Variants in PXDNL observed in about 807,000 individuals in gnomAD.
PXDNL encodes peroxidasin like, also known as probable oxidoreductase PXDNL.
PXDNL carries 145 observed loss-of-function variants against 150.8 expected under a neutral mutation model. That is an observed-to-expected ratio of 0.96 (90% CI 0.84 to 1.10). The LOEUF (loss-of-function observed/expected upper bound fraction) is 1.10. Among genes scored for constraint, PXDNL ranks in the 50% least tolerant of loss-of-function variants. PXDNL has a pLI of 0.00. For synonymous variants in PXDNL, 757 were observed against 725.7 expected, an observed-to-expected ratio of 1.04 and a Z score of -0.69; for missense variants, 2,087 against 1,873.9, an observed-to-expected ratio of 1.11 and a Z score of -2.10.
intron 1 of PXDNL, among the ~76,000 whole-genome samples, chr8:51,718,570 G>T (rs1426279989): frequency 6.6e-6 from 1 of 152,168 alleles, no homozygotes; most frequent in African/African-American, 2.4e-5. Context: ...TTCATACATT[G>T]CCCTAAAGGG....
intron 1 of PXDNL, among the ~76,000 whole-genome samples, chr8:51,748,629 T>TA (rs1009933165): frequency 6.6e-6 from 1 of 152,140 alleles, no homozygotes; most frequent in Non-Finnish European, 1.5e-5. Flanking sequence ...GGAGTTATTT[T>TA]AAAAAACTGT....
intron 1 of PXDNL, among the ~76,000 whole-genome samples, chr8:51,726,006 A>C (rs1816811916): frequency 6.6e-6 from 1 of 152,236 alleles, no homozygotes; most frequent in African/African-American, 2.4e-5. Context: ...TCAGTCTCTG[A>C]ACTTCAGCTT....
intron 4 of PXDNL, among the ~76,000 whole-genome samples, chr8:51,522,087 T>A (rs1184009415): frequency 6.6e-6 from 1 of 152,134 alleles, no homozygotes; most frequent in Non-Finnish European, 1.5e-5. Context: ...GAGAGAATAA[T>A]CTTTTATTTT....
chr8:51,654,817 A>T (rs1235826347), intron 1 of PXDNL, 57 bp from the exon 2 acceptor site: 6 of 1,354,794 alleles, frequency 4.4e-6, no homozygotes. Flanking sequence ...TTCTGCCATT[A>T]TTTCCAGAAG....
intron 12 of PXDNL, among the ~76,000 whole-genome samples, chr8:51,430,788 C>CA (rs1470767562): frequency 6.6e-6 from 1 of 152,158 alleles, no homozygotes; most frequent in Non-Finnish European, 1.5e-5. Context: ...TTATTTCATT[C>CA]AACAACTCTC....
chr8:51,788,057 AT>A (rs1453093129), intron 1 of PXDNL, among the ~76,000 whole-genome samples: 3 of 152,228 alleles, frequency 2.0e-5, no homozygotes, highest in Non-Finnish European at 4.4e-5. Context: ...AGCTGTGTTC[AT>A]TTTTTAGACA....
chr8:51,744,579 G>A (rs1437763288), intron 1 of PXDNL, among the ~76,000 whole-genome samples: 1 of 147,870 alleles, frequency 6.8e-6, no homozygotes, highest in African/African-American at 2.5e-5. Flanking sequence ...AGGAGGCTGA[G>A]GCAGGAGAAT....
intron 3 of PXDNL, among the ~76,000 whole-genome samples, chr8:51,590,371 T>G (rs1380354990): frequency 1.3e-5 from 2 of 151,982 alleles, no homozygotes; most frequent in East Asian, 3.9e-4. Flanking sequence ...GGATTGGGGC[T>G]GCCACTGAGA....
At chr8:51,621,675 C>T (rs772762460) in intron 2 of PXDNL, among the ~76,000 whole-genome samples, 3 of 152,032 alleles carry the variant, frequency 2.0e-5, no homozygotes, top group Non-Finnish European at 2.9e-5. Context: ...TGTGGTGGCT[C>T]ACACCTGTAA....
rs1276277900 is a variant in PXDNL at position 51,426,706 on chromosome 8, C to T, written c.1578G>A (p.Lys526=). 1.2e-6 allele frequency: 2 copies of T among 1,608,324 alleles called. No individual in the cohort carries two copies. The highest frequency in any genetic ancestry group is 2.7e-5 in the African/African-American group (2 of 74,988). ...LPQDTSVEVG[K]NINISCHAQG... is the part of the protein sequence containing the mutation. The stretch of plus-strand genomic sequence containing the variant: ...GAGCATGACATGAAATGTTTATATT[C>T]TTTCCAACCTCGACACTTGTATCCT... The change falls in exon 13 of 23, where the codon AAG becomes AAA. Residue 526 remains lysine, a synonymous_variant. Coordinates refer to ENST00000356297, the MANE Select transcript of PXDNL (RefSeq NM_144651.5).
At chr8:51,578,374 T>C (rs1249800750) in intron 3 of PXDNL, among the ~76,000 whole-genome samples, 1 of 151,944 alleles carries the variant, frequency 6.6e-6, no homozygotes, top group Non-Finnish European at 1.5e-5. Context: ...AAAGCAATAC[T>C]CTTTGCAGTC....
intron 1 of PXDNL, among the ~76,000 whole-genome samples, chr8:51,755,194 A>C (rs1204478900): frequency 1.3e-5 from 2 of 152,198 alleles, no homozygotes; most frequent in Non-Finnish European, 2.9e-5. Flanking sequence ...TGTAAATAAA[A>C]TATGTTCTAT....
At chr8:51,574,925 G>T (rs191363068) in intron 3 of PXDNL, among the ~76,000 whole-genome samples, 1 of 151,996 alleles carries the variant, frequency 6.6e-6, no homozygotes, top group East Asian at 1.9e-4. Flanking sequence ...TTCTCTAAGA[G>T]GAAAGAAAAT....
At chr8:51,429,584 CA>C (rs1008050833) in intron 12 of PXDNL, among the ~76,000 whole-genome samples, 1 of 150,730 alleles carries the variant, frequency 6.6e-6, no homozygotes, top group South Asian at 2.1e-4. Context: ...CAAAATAAAG[CA>C]AAAAAAGTCC....
chr8:51,752,603 A>C (rs1165238614), intron 1 of PXDNL, among the ~76,000 whole-genome samples: 1 of 152,002 alleles, frequency 6.6e-6, no homozygotes, highest in Non-Finnish European at 1.5e-5. Context: ...GTCACCTACA[A>C]TCTCCTGACT....
intron 7 of PXDNL, among the ~76,000 whole-genome samples, chr8:51,472,681 A>C (rs574582612): frequency 1.1e-4 from 16 of 152,286 alleles, no homozygotes; most frequent in African/African-American, 3.8e-4. Context: ...ACAATTAGCT[A>C]TCTAAGCACC....
intron 1 of PXDNL, among the ~76,000 whole-genome samples, chr8:51,748,171 G>A (rs1381338360): frequency 6.6e-6 from 1 of 152,204 alleles, no homozygotes. Context: ...AAGCTACTAA[G>A]TGACAAATCA....
In PXDNL at chr8:51,496,131, G is replaced by C. The variant is rs547251914; in HGVS notation, c.452+3568C>G. Among the ~76,000 whole-genome samples, 1,238 of 152,110 alleles carry C rather than the reference G, an allele frequency of 8.1e-3. 5 individuals are homozygous for C. The highest frequency in any genetic ancestry group is 0.013 in the Non-Finnish European group (891 of 67,968). Reference sequence around the variant, plus strand: ...GGATGCAAGGCTGGTTCAACATATGGAAATCAATAAATGTAATCCAGCATA... The same window carrying C: ...GGATGCAAGGCTGGTTCAACATATGCAAATCAATAAATGTAATCCAGCATA... On this transcript the variant is annotated intron_variant, in intron 5 of 22. Transcript: ENST00000356297.
At chr8:51,322,581 A>C (rs529419073) in intron 21 of PXDNL, among the ~76,000 whole-genome samples, 34 of 152,284 alleles carry the variant, frequency 2.2e-4, no homozygotes, top group Admixed American at 9.8e-4. Flanking sequence ...ACTGGTGAGA[A>C]ACTAACATGG....
Sources: allele counts gnomAD v4.1 joint callset (sites outside exome capture counted in the v4.1 genomes callset), GRCh38; gene constraint gnomAD v4.1.1; transcripts MANE v1.5; gene names NCBI Gene and HGNC (gene_info 2026-07-23, HGNC 2026-07-21).